The following AKNA variants were observed in gnomAD, a reference collection of about 807,000 sequenced individuals.
AKNA encodes AT-hook transcription factor, also known as microtubule organization protein AKNA.
A neutral mutation model predicts 138.8 loss-of-function variants in AKNA; 67 were observed. The ratio of observed to expected loss-of-function variants is 0.48; its 90% CI spans 0.40 to 0.59. AKNA has a LOEUF of 0.59. AKNA is among the 20% of genes least tolerant of loss of function. The pLI is 0.00. For synonymous variants in AKNA, 737 were observed against 754.4 expected (o/e 0.98, Z 0.38); for missense variants, 1,813 against 1,880.4 (o/e 0.96, Z 0.66).
intron 21 of AKNA, among the ~76,000 whole-genome samples, chr9:114,338,430 T>C (rs1830132704): frequency 6.6e-6 from 1 of 152,254 alleles, no homozygotes; most frequent in Non-Finnish European, 1.5e-5. Context: ...GGTGGGAATG[T>C]AAATGGTGGA....
chr9:114,363,016 T>C (rs1588985885), intron 7 of AKNA, among the ~76,000 whole-genome samples: 2 of 152,372 alleles, frequency 1.3e-5, no homozygotes, highest in South Asian at 4.1e-4. Context: ...CATCACATTA[T>C]TGAGAATGTT....
At chr9:114,368,858 T>C (rs985682856) in intron 4 of AKNA, among the ~76,000 whole-genome samples, 27 of 152,180 alleles carry the variant, frequency 1.8e-4, no homozygotes, top group Non-Finnish European at 3.7e-4. Flanking sequence ...AGAGAGGTTA[T>C]TAAGTCAGTT....
chr9:114,367,822 T>G (rs1832476201), intron 5 of AKNA, 125 bp from the exon 6 acceptor site: 2 of 1,094,630 alleles, frequency 1.8e-6, no homozygotes, highest in African/African-American at 3.2e-5. Context: ...ATGTGCGATC[T>G]TCACATCAGC....
downstream of AKNA, chr9:114,331,522 T>G (rs748432140): frequency 6.1e-6 from 9 of 1,484,070 alleles, no homozygotes; most frequent in Admixed American, 1.7e-5. Flanking sequence ...CAGGCACCAT[T>G]GTGCCATCCC....
intron 3 of AKNA, among the ~76,000 whole-genome samples, chr9:114,375,107 G>A (rs1433125607): frequency 2.0e-5 from 3 of 152,086 alleles, no homozygotes; most frequent in African/African-American, 7.2e-5. Context: ...AACTCCCCAC[G>A]CCCGTGGAGC....
chr9:114,343,204 C>T (rs1349329098), intron 19 of AKNA, among the ~76,000 whole-genome samples: 1 of 152,202 alleles, frequency 6.6e-6, no homozygotes, highest in African/African-American at 2.4e-5. Context: ...TCATTATCAT[C>T]ACTATTGCTT....
chr9:114,371,263 C>T (rs1483774373), intron 4 of AKNA, among the ~76,000 whole-genome samples: 1 of 152,228 alleles, frequency 6.6e-6, no homozygotes, highest in Admixed American at 6.5e-5. Context: ...TGGTGTCACT[C>T]GTGGGCTTCA....
rs776409662 is a variant in AKNA, at chr9:114,337,091, C to T, written c.4283G>A (p.Arg1428His). The T allele has an allele frequency of 2.6e-5, 38 of 1,489,268 alleles. No homozygotes were observed. The East Asian group carries it at 3.8e-4, about 15-fold the overall frequency. 92.3% of individuals were successfully genotyped at this position (1,489,268 alleles called of 1,614,324 possible). Residue 1428 changes from arginine (R) to histidine (H), a missense_variant, in exon 22 of 22, where the codon CGC (arginine) becomes CAC (histidine). Transcript: ENST00000374088. ...GGAGCCCCGCAGGCTGTGAGCCTGGCGCAGGTCGGCTGACAGCGAGCTTCT... is the reference window on the plus strand; with the variant it reads ...GGAGCCCCGCAGGCTGTGAGCCTGGTGCAGGTCGGCTGACAGCGAGCTTCT... ...QMRSSLSADL[R>H]QAHSLRGSCL...
chr9:114,337,439 CT>C, intron 21 of AKNA, 133 bp from the exon 22 acceptor site: 1 of 916,124 alleles, frequency 1.1e-6, no homozygotes, highest in Non-Finnish European at 1.5e-6. Flanking sequence ...GTCTCAGTTT[CT>C]TTACCTCTAA....
chr9:114,367,403 G>T, intron 6 of AKNA, 140 bp downstream of exon 6: 2 of 1,034,158 alleles, frequency 1.9e-6, no homozygotes, highest in Non-Finnish European at 2.7e-6. Context: ...TCATGTTTTG[G>T]GGATGGCTGA....
In AKNA at chr9:114,381,079, T is replaced by C; in HGVS notation, c.255A>G (p.Ser85=). Residue 85 remains serine (S), a synonymous_variant, in exon 2 of 22, where the codon TCA becomes TCG. Transcript: ENST00000374088. ...PQPDGHQDSE[S]GETSGEEAEA... ...TCTCACCTTCTCCCGAAGTCTCTCC[T>C]GACTCGGAATCCTGATGCCCATCGG... 1 of 1,570,752 alleles carries C rather than the reference T, an allele frequency of 6.4e-7. No homozygotes were observed. Among genetic ancestry groups the C allele is most frequent in the South Asian group, 1.2e-5 (1 of 86,296 alleles).
At chr9:114,331,573 G>C, downstream of AKNA, 1 of 1,613,564 alleles carries the variant, frequency 6.2e-7, no homozygotes, top group Non-Finnish European at 8.5e-7. Context: ...CCAGAGGGAG[G>C]CCGAGAACAT....
intron 17 of AKNA, among the ~76,000 whole-genome samples, chr9:114,346,258 A>G (rs1445854969): frequency 6.6e-6 from 1 of 152,172 alleles, no homozygotes; most frequent in African/African-American, 2.4e-5. Context: ...TTATAACTAC[A>G]TGGTGAGCTG....
upstream of AKNA, chr9:114,388,185 CAGGAA>C (rs2132141310): frequency 4.6e-6 from 1 of 215,060 alleles, no homozygotes; most frequent in South Asian, 5.2e-5. Flanking sequence ...CAGCGCTGCC[CAGGAA>C]AGGACTCAGG....
At chr9:114,331,843 A>T (rs147741369), downstream of AKNA, 1,810 of 1,613,750 alleles carry the variant, frequency 1.1e-3, 6 homozygotes, top group South Asian at 2.5e-3. Flanking sequence ...GCCAGAGACG[A>T]CCAAGGAGCA....
At chr9:114,374,299 G>A (rs1387781278) in intron 3 of AKNA, 132 bp from the exon 4 acceptor site, 1 of 852,598 alleles carries the variant, frequency 1.2e-6, no homozygotes, top group South Asian at 1.5e-5. Context: ...TCAATGGTGG[G>A]ATCCGAGCTG....
intron 8 of AKNA, 115 bp downstream of exon 8, chr9:114,362,291 T>A (rs1832025375): frequency 7.2e-7 from 1 of 1,392,366 alleles, no homozygotes; most frequent in African/African-American, 1.5e-5. Context: ...AGGATAAGAT[T>A]TCTCTCTATT....
In AKNA at chr9:114,377,133, C is replaced by T. The variant is rs778494889; in HGVS notation, c.674G>A (p.Gly225Asp). The T allele has an allele frequency of 1.4e-5, 23 of 1,613,998 alleles. No homozygotes were observed. Among genetic ancestry groups the T allele is most frequent in the Non-Finnish European group, 1.9e-5 (23 of 1,180,022 alleles). ...TTCTGCCAGGGCAGTGGGCTGGGGG[C>T]CATCGGTCTCTCCTTCCCAGGTAGA... is the stretch of plus-strand genomic sequence containing the variant. ...LDSTWEGETD[G>D]PQPTALAETL... Residue 225 changes from glycine to aspartate, a missense_variant, in exon 3 of 22, where the codon GGC becomes GAC. Gly to Asp is a moderately conservative substitution (Grantham distance 94). Coordinates refer to ENST00000374088, the MANE Select transcript of AKNA (RefSeq NM_001317950.2).
chr9:114,366,693 G>A (rs890519721), intron 6 of AKNA, among the ~76,000 whole-genome samples: 10 of 149,036 alleles, frequency 6.7e-5, no homozygotes, highest in African/African-American at 2.5e-4. Context: ...GGGAAGAGGA[G>A]AGGAGGGGAG....
Sources: allele counts gnomAD v4.1 joint callset (sites outside exome capture counted in the v4.1 genomes callset), GRCh38; gene constraint gnomAD v4.1.1; transcripts MANE v1.5; gene names NCBI Gene and HGNC (gene_info 2026-07-23, HGNC 2026-07-21).